KIF26A: variants seen among roughly 807,000 people sequenced by gnomAD.
KIF26A encodes kinesin family member 26A, also known as kinesin-like protein KIF26A.
A neutral mutation model predicts 126.0 loss-of-function variants in KIF26A; 74 were observed. The observed-to-expected ratio is 0.59, with a 90% CI of 0.49 to 0.71. The LOEUF (loss-of-function observed/expected upper bound fraction) is 0.71. KIF26A is among the 30% of genes least tolerant of loss of function. The probability of loss-of-function intolerance (pLI) is 0.00; values close to 1 mark genes in which losing one functional copy is unlikely to be tolerated. For synonymous variants in KIF26A, 1,445 were observed against 1,232.7 expected (o/e 1.17, Z -3.61); for missense variants, 2,984 against 2,763.3 (o/e 1.08, Z -1.79).
intron 13 of KIF26A, among the ~76,000 whole-genome samples, chr14:104,179,000 T>C (rs1271055620): frequency 6.6e-6 from 1 of 152,136 alleles, no homozygotes; most frequent in African/African-American, 2.4e-5. Context: ...CTGAGGCCAC[T>C]GCTGCTGTCC....
At chr14:104,165,926 C>G (rs921208647) in intron 4 of KIF26A, among the ~76,000 whole-genome samples, 2 of 152,054 alleles carry the variant, frequency 1.3e-5, no homozygotes, top group South Asian at 4.2e-4. Context: ...ATGCACTGGC[C>G]TCCCCTGGAG....
intron 4 of KIF26A, among the ~76,000 whole-genome samples, chr14:104,163,753 A>G (rs1052073408): frequency 7.0e-6 from 1 of 142,592 alleles, no homozygotes; most frequent in African/African-American, 2.6e-5. Context: ...TCACACCTGC[A>G]TCCTGGGGCC....
chr14:104,178,400 C>T (rs2141121788), intron 12 of KIF26A, 150 bp from the exon 13 acceptor site: 4 of 598,516 alleles, frequency 6.7e-6, no homozygotes, highest in East Asian at 3.2e-5. Context: ...TTCCTCCCTG[C>T]CCTGGGCAGA....
At position 104,139,400 on chromosome 14, in the gene KIF26A, A is replaced by T. The variant is rs2037615467; in HGVS notation, c.288+112A>T. The T allele has an allele frequency of 8.7e-6, 11 of 1,266,792 alleles. No individual in the cohort carries two copies. The South Asian group carries it at 2.1e-4, about 24-fold the overall frequency. The allele number at this position is 1,266,792 out of a possible 1,614,324, so 78.5% of individuals were successfully genotyped here. A position where few individuals can be genotyped will look rare whatever the true frequency, so the allele number is the denominator to read the frequency against. On this transcript the variant is annotated intron_variant, in intron 2 of 14. Coordinates refer to ENST00000423312, the MANE Select transcript of KIF26A (RefSeq NM_015656.2). ...CCACTCCTTCCCTGCTGCTGTTTCC[A>T]CAAAGAGTTATCAGCCAGGACTTCC...
chr14:104,162,116 G>A (rs78460651), intron 4 of KIF26A, among the ~76,000 whole-genome samples: 27,592 of 152,220 alleles, frequency 0.18, 2,773 homozygotes, highest in Admixed American at 0.25. Flanking sequence ...GAAAGTGCTC[G>A]TTCTGGGGCC....
chr14:104,156,448 T>A (rs1250503609), intron 3 of KIF26A, among the ~76,000 whole-genome samples: 9 of 152,104 alleles, frequency 5.9e-5, no homozygotes, highest in African/African-American at 2.2e-4. Flanking sequence ...GGGCATTCCT[T>A]CTGGAAGCCC....
At chr14:104,174,019 C>G in intron 10 of KIF26A, 129 bp from the exon 11 acceptor site, 1 of 1,401,590 alleles carries the variant, frequency 7.1e-7, no homozygotes, top group Non-Finnish European at 9.5e-7. Context: ...CGTGGGCTGC[C>G]TGGGGCCCCA....
At position 104,172,955 on chromosome 14, in the gene KIF26A, C is replaced by G. The variant is rs751478039; in HGVS notation, c.1421-22C>G. 5 of 1,567,832 alleles carry G rather than the reference C, an allele frequency of 3.2e-6. No individual in the cohort carries two copies. The East Asian group carries it at 1.1e-4, about 36-fold the overall frequency. ...CTCCTTGCGTGGTGTGTGGTGGGGC[C>G]TGACGCCTGCGTGGCCCCCAGGCAA... On this transcript the variant is annotated intron_variant, in intron 7 of 14. Transcript: ENST00000423312.
At chr14:104,156,194 A>G (rs1186380157) in intron 3 of KIF26A, among the ~76,000 whole-genome samples, 1 of 152,334 alleles carries the variant, frequency 6.6e-6, no homozygotes, top group African/African-American at 2.4e-5. Context: ...AACTTTAAAG[A>G]TCACTCTTTC....
intron 4 of KIF26A, among the ~76,000 whole-genome samples, chr14:104,162,275 T>C (rs2037840340): frequency 6.6e-6 from 1 of 151,564 alleles, no homozygotes; most frequent in Non-Finnish European, 1.5e-5. Context: ...GATTGTGGGG[T>C]GGAGATGTGG....
In KIF26A at chr14:104,139,314, C is replaced by T. The variant is rs969541086; in HGVS notation, c.288+26C>T. The T allele has an allele frequency of 1.8e-5, 26 of 1,436,884 alleles. No homozygotes were observed. The African/African-American group carries it at 2.6e-4, about 15-fold the overall frequency. The allele number at this position is 1,436,884 out of a possible 1,614,324, so 89.0% of individuals were successfully genotyped here. Reference sequence around the variant, plus strand: ...GTAAGTGACACTTCCTTAGGCCGACCCCTCCGAGCAGGGCCACGCCGAACT... The same window carrying T: ...GTAAGTGACACTTCCTTAGGCCGACTCCTCCGAGCAGGGCCACGCCGAACT... On this transcript the variant is annotated intron_variant, in intron 2 of 14. Transcript: ENST00000423312.
rs745930273 is a variant in KIF26A, at chr14:104,175,120, G to A, written c.2332G>A (p.Asp778Asn). The change falls in exon 12 of 15, where the codon GAT becomes AAT. Residue 778 changes from aspartate to asparagine, a missense_variant. By Grantham distance (23) the Asp-to-Asn change is conservative. Transcript: ENST00000423312. ...RTPPCLPGDP[D>N]YSSSSEQSCD... ...GCCTCCCTGCCTGCCCGGTGACCCC[G>A]ATTACTCCTCCAGCAGCGAGCAGTC... The A allele has an allele frequency of 1.6e-5, 26 of 1,606,058 alleles. 1 individual carries two copies. Among genetic ancestry groups the A allele is most frequent in the Middle Eastern group, 3.3e-4 (2 of 6,080 alleles).
At chr14:104,149,115 G>A (rs1045114146) in intron 2 of KIF26A, among the ~76,000 whole-genome samples, 2 of 152,196 alleles carry the variant, frequency 1.3e-5, no homozygotes, top group African/African-American at 2.4e-5. Flanking sequence ...GGGCGATGGC[G>A]CCTGGTCCCA....
chr14:104,163,493 AGAGAC>A (rs2037851381), intron 4 of KIF26A, among the ~76,000 whole-genome samples: 1 of 152,184 alleles, frequency 6.6e-6, no homozygotes, highest in Non-Finnish European at 1.5e-5. Context: ...TGAGGTTTAC[AGAGAC>A]GAGGCTTAGG....
rs575412933 is a variant in KIF26A, at chr14:104,176,064, G to T, written c.3276G>T (p.Glu1092Asp). ...ACGCCTACACCTCTCAGGCCCCTGA[G>T]GGGGGGCCCCTGGAGGGGGCAGCCT... is the stretch of plus-strand genomic sequence containing the variant. ...EFDAYTSQAP[E>D]GGPLEGAAWA... is the part of the protein sequence containing the mutation. The change falls in exon 12 of 15, where the codon GAG (glutamate) becomes GAT (aspartate). Residue 1092 changes from glutamate (E) to aspartate (D), a missense_variant. Glu to Asp is a conservative substitution (Grantham distance 45). Coordinates refer to ENST00000423312, the MANE Select transcript of KIF26A (RefSeq NM_015656.2). The T allele has an allele frequency of 3.6e-5, 57 of 1,589,558 alleles. 1 individual carries two copies. In the East Asian group the frequency reaches 9.7e-4, roughly 27 times the overall value.
In KIF26A at chr14:104,179,024, CCT is replaced by C. The variant is rs775447385; in HGVS notation, c.5317-211_5317-210del. Among the ~76,000 whole-genome samples, 13 of 152,172 alleles carry C rather than the reference CCT, an allele frequency of 8.5e-5. No individual in the cohort carries two copies. In the East Asian group the frequency reaches 1.7e-3, roughly 20 times the overall value. ...CTGCTGCTGTCCGCTGGAATTCTCC[CCT>C]GTCGTGGGGAGGGTGGTCCTAGAGC... is the stretch of plus-strand genomic sequence containing the variant. On this transcript the variant is annotated intron_variant, in intron 13 of 14. Transcript: ENST00000423312.
rs55947236 is a variant in KIF26A, at chr14:104,139,424, C to T, written c.288+136C>T. ...CACAAAGAGTTATCAGCCAGGACTT[C>T]CCTTCTGCGGGCCTCAGTTTCCCGG... On this transcript the variant is annotated intron_variant, in intron 2 of 14. Transcript: ENST00000423312. The T allele has an allele frequency of 7.9e-3, 9,053 of 1,151,668 alleles. 56 individuals carry two copies. The highest frequency in any genetic ancestry group is 9.4e-3 in the Non-Finnish European group (8,219 of 870,408). The allele number at this position is 1,151,668 out of a possible 1,614,324, so 71.3% of individuals were successfully genotyped here. A position where few individuals can be genotyped will look rare whatever the true frequency, so the allele number is the denominator to read the frequency against.
intron 8 of KIF26A, 26 bp downstream of exon 8, chr14:104,173,265 G>A: frequency 6.2e-7 from 1 of 1,602,166 alleles, no homozygotes. Flanking sequence ...GTCCCACCTT[G>A]GGGGAGGGGG....
rs757870719 is a variant in KIF26A, at chr14:104,157,749, C to T, written c.736-6C>T. ...TTCCTTATACGCACTCTCTCCTTCCCTCCAGGCCGAGGCAGCGGTGGCGGC... is the reference window on the plus strand; with the variant it reads ...TTCCTTATACGCACTCTCTCCTTCCTTCCAGGCCGAGGCAGCGGTGGCGGC... On this transcript the variant is annotated splice_polypyrimidine_tract_variant and splice_region_variant and intron_variant, in intron 3 of 14. Coordinates refer to ENST00000423312, the MANE Select transcript of KIF26A (RefSeq NM_015656.2). The T allele has an allele frequency of 1.4e-5, 22 of 1,610,138 alleles. No homozygotes were observed. Among genetic ancestry groups the T allele is most frequent in the Non-Finnish European group, 1.8e-5 (21 of 1,178,932 alleles).
Sources: gnomAD v4.1 joint callset for allele counts (sites outside exome capture counted in the v4.1 genomes callset) on GRCh38, gnomAD v4.1.1 for gene constraint, MANE v1.5 for transcripts, NCBI Gene and HGNC (gene_info 2026-07-23, HGNC 2026-07-21) for gene names.